Variants in XXYLT1 observed in about 807,000 individuals in gnomAD.
The protein encoded by XXYLT1 is xyloside xylosyltransferase 1, also known as UDP-xylose:alpha-xyloside alpha-1,3-xylosyltransferase.
Under a neutral mutation model 28.9 loss-of-function variants are expected in XXYLT1, and 20 were observed. The ratio of observed to expected loss-of-function variants is 0.69; its 90% CI spans 0.49 to 1.00. The LOEUF is 1.00. XXYLT1 is among the 50% of genes least tolerant of loss of function. XXYLT1 has a pLI of 0.00. For missense variants in XXYLT1, 542 were observed against 560.1 expected, an observed-to-expected ratio of 0.97 and a Z score of 0.33; for synonymous variants, 257 against 253.8, an observed-to-expected ratio of 1.01 and a Z score of -0.12.
chr3:195,078,206 G>A lies in XXYLT1; in HGVS notation c.786-8095C>T, dbSNP rs891949745. ...AGCAATGTGGAGGAGCCCAGCAGGT[G>A]GCTGGAGGTACCGGCCATAAGCAGA... On this transcript the variant is annotated intron_variant, in intron 3 of 3. Transcript: ENST00000310380. The surrounding 1 kb of genome is among the most constrained non-coding windows in gnomAD (Gnocchi z 5.0). Among the ~76,000 whole-genome samples, 1 of 152,098 alleles carries A rather than the reference G, an allele frequency of 6.6e-6. No individual in the cohort carries two copies. The highest frequency in any genetic ancestry group is 6.5e-5 in the Admixed American group (1 of 15,284).
intron 2 of XXYLT1, among the ~76,000 whole-genome samples, chr3:195,205,670 C>G (rs920875456): frequency 1.3e-5 from 2 of 152,196 alleles, no homozygotes; most frequent in Non-Finnish European, 2.9e-5. Flanking sequence ...CAAAACCAGC[C>G]TGGGTAACAT....
chr3:195,175,498 GTTGCATGTTGACT>G (rs139509071), intron 2 of XXYLT1: 85 of 1,421,646 alleles, frequency 6.0e-5, no homozygotes, highest in Middle Eastern at 1.8e-4. Context: ...TGAGTTCTGT[GTTGCATGTTGACT>G]TTGCTGCACC....
chr3:195,270,647 TA>T lies in XXYLT1; in HGVS notation c.411del (p.Asn138ThrfsTer5). On this transcript the variant is annotated frameshift_variant, in exon 1 of 4. Transcript: ENST00000310380. LOFTEE classifies it high-confidence loss of function. ...RLAKFEAHEV[L>X]NLHFVSEEAS... ...GCCTCCTCGCTCACGAAGTGAAGGT[TA>T]AGCACCTCGTGCGCCTCGAACTTGG... is the stretch of plus-strand genomic sequence containing the variant. 2 of 1,571,736 alleles carry T rather than the reference TA, an allele frequency of 1.3e-6. No individual in the cohort carries two copies. The highest frequency in any genetic ancestry group is 8.6e-7 in the Non-Finnish European group (1 of 1,165,346).
chr3:195,164,531 C>T (rs992017040), intron 2 of XXYLT1, among the ~76,000 whole-genome samples: 1 of 152,248 alleles, frequency 6.6e-6, no homozygotes, highest in African/African-American at 2.4e-5. Context: ...CCCACTGGGT[C>T]CCTTGGAATC....
intron 2 of XXYLT1, among the ~76,000 whole-genome samples, chr3:195,219,628 C>G (rs1450830569): frequency 6.6e-6 from 1 of 152,204 alleles, no homozygotes; most frequent in East Asian, 1.9e-4. Context: ...TGAACCTAGG[C>G]TAAGAAGCAT....
At chr3:195,107,460 G>A (rs1380878596) in intron 3 of XXYLT1, among the ~76,000 whole-genome samples, 2 of 90,334 alleles carry the variant, frequency 2.2e-5, no homozygotes, top group Non-Finnish European at 4.4e-5. Context: ...GGCAACAAGA[G>A]CAAAACTCCG....
intron 3 of XXYLT1, among the ~76,000 whole-genome samples, chr3:195,149,588 G>T (rs1464664992): frequency 1.3e-5 from 2 of 152,160 alleles, no homozygotes; most frequent in Non-Finnish European, 2.9e-5. Context: ...ACAGTCCTCG[G>T]TCTCTCCCCC....
At chr3:195,183,239 G>A (rs764984667) in intron 2 of XXYLT1, among the ~76,000 whole-genome samples, 42 of 152,146 alleles carry the variant, frequency 2.8e-4, no homozygotes, top group Non-Finnish European at 1.3e-4. Context: ...ATCGTGAGAG[G>A]GACCTGGTAA....
chr3:195,094,034 CTCCTCCTCCTCT>C (rs1056689550), intron 3 of XXYLT1: 3 of 156,478 alleles, frequency 1.9e-5, no homozygotes, highest in African/African-American at 7.2e-5. Context: ...GCTCCTCCTC[CTCCTCCTCCTCT>C]TCCTCCTCCC....
At chr3:195,199,917 T>C (rs1186033436) in intron 2 of XXYLT1, among the ~76,000 whole-genome samples, 1 of 152,208 alleles carries the variant, frequency 6.6e-6, no homozygotes, top group Non-Finnish European at 1.5e-5. Context: ...TTTAGGATAA[T>C]GTAGAAAGGA....
At chr3:195,122,775 G>A (rs183712788) in intron 3 of XXYLT1, among the ~76,000 whole-genome samples, 19 of 152,346 alleles carry the variant, frequency 1.2e-4, no homozygotes, top group East Asian at 5.8e-4. Flanking sequence ...CAGCGGGGGC[G>A]ACACGCTCCC....
At chr3:195,154,261 G>A (rs1311445615) in intron 3 of XXYLT1, among the ~76,000 whole-genome samples, 3 of 152,160 alleles carry the variant, frequency 2.0e-5, no homozygotes, top group African/African-American at 2.4e-5. Context: ...TGGAACTGAC[G>A]ACCAGCAGCT....
At position 195,070,090 on chromosome 3, in the gene XXYLT1, G is replaced by A. The variant is rs1294152439; in HGVS notation, c.807C>T (p.Arg269=). The A allele has an allele frequency of 1.3e-6, 2 of 1,577,288 alleles. No individual in the cohort carries two copies. The highest frequency in any genetic ancestry group is 1.7e-6 in the Non-Finnish European group (2 of 1,169,524). ...PVYRHTFWQF[R]HENPQTRVGG... Reference sequence around the variant, plus strand: ...CAACCCGGGTCTGGGGGTTCTCATGGCGGAACTGCCAGAATGTGTGCCTGT... The same window carrying A: ...CAACCCGGGTCTGGGGGTTCTCATGACGGAACTGCCAGAATGTGTGCCTGT... Residue 269 remains arginine (R), a synonymous_variant, in exon 4 of 4, where the codon CGC becomes CGT. Coordinates refer to ENST00000310380, the MANE Select transcript of XXYLT1 (RefSeq NM_152531.5).
At chr3:195,102,078 G>A (rs1050185485) in intron 3 of XXYLT1, among the ~76,000 whole-genome samples, 1 of 145,080 alleles carries the variant, frequency 6.9e-6, no homozygotes, top group Admixed American at 6.8e-5. Context: ...AGGAAGGGAA[G>A]GGAAAGGGAG....
intron 1 of XXYLT1, among the ~76,000 whole-genome samples, chr3:195,248,377 C>T (rs755044112): frequency 1.3e-5 from 2 of 152,120 alleles, no homozygotes; most frequent in African/African-American, 2.4e-5. Context: ...CTGAATCGTG[C>T]GGGCAGGTCT....
chr3:195,167,361 C>T (rs1219607835), intron 2 of XXYLT1, among the ~76,000 whole-genome samples: 1 of 152,112 alleles, frequency 6.6e-6, no homozygotes, highest in Admixed American at 6.6e-5. Flanking sequence ...GAGGCCGAGG[C>T]GGATGGATCA....
chr3:195,196,950 T>A (rs1722649958), intron 2 of XXYLT1, among the ~76,000 whole-genome samples: 1 of 151,836 alleles, frequency 6.6e-6, no homozygotes, highest in South Asian at 2.1e-4. Context: ...GACTAGTATA[T>A]CCTTTTTAAA....
chr3:195,243,262 T>C (rs971578051), intron 1 of XXYLT1, among the ~76,000 whole-genome samples: 2 of 151,662 alleles, frequency 1.3e-5, no homozygotes, highest in African/African-American at 4.9e-5. Flanking sequence ...GTAATGTAAA[T>C]GACGAGTTAA....
chr3:195,204,476 ACTCTCTCT>A (rs61196221), intron 2 of XXYLT1, among the ~76,000 whole-genome samples: 120 of 125,966 alleles, frequency 9.5e-4, no homozygotes, highest in Middle Eastern at 4.1e-3. Flanking sequence ...TCACTCTCTC[ACTCTCTCT>A]CTCTCTCTCT....
Sources: allele counts gnomAD v4.1 joint callset (sites outside exome capture counted in the v4.1 genomes callset), GRCh38; gene constraint gnomAD v4.1.1; non-coding constraint Gnocchi (gnomAD v3.1); transcripts MANE v1.5; gene names NCBI Gene and HGNC (gene_info 2026-07-23, HGNC 2026-07-21).